Variants in ACVR1C observed in about 807,000 individuals in gnomAD.
ACVR1C encodes the protein activin A receptor type 1C, also known as activin receptor type-1C.
A neutral mutation model predicts 57.9 loss-of-function variants in ACVR1C; 23 were observed. The observed-to-expected ratio is 0.40, with a 90% confidence interval of 0.29 to 0.56. The LOEUF is 0.56. ACVR1C is among the 20% of genes least tolerant of loss of function. The pLI, the probability that ACVR1C is intolerant of heterozygous loss-of-function variation, is 0.50. For synonymous variants in ACVR1C, 214 were observed against 215.3 expected, an observed-to-expected ratio of 0.99 and a Z score of 0.05; for missense variants, 480 against 607.9, an observed-to-expected ratio of 0.79 and a Z score of 2.21.
chr2:157,576,835 C>CTTTTTTTTTTT (rs1166673398), intron 2 of ACVR1C, among the ~76,000 whole-genome samples: 5 of 41,716 alleles, frequency 1.2e-4, no homozygotes, highest in African/African-American at 4.1e-4. Flanking sequence ...TTGAAATTTT[C>CTTTTTTTTTTT]TTTTTTTTTT....
At chr2:157,613,155 C>T (rs1306234636) in intron 1 of ACVR1C, among the ~76,000 whole-genome samples, 1 of 152,220 alleles carries the variant, frequency 6.6e-6, no homozygotes, top group Non-Finnish European at 1.5e-5. Context: ...ATCTCAGCCA[C>T]TGGCTGCTCA....
At chr2:157,550,481 A>T (rs1416972755) in intron 3 of ACVR1C, 89 bp from the exon 4 acceptor site, 32 of 1,197,548 alleles carry the variant, frequency 2.7e-5, no homozygotes, top group Non-Finnish European at 3.5e-5. Flanking sequence ...TTAAAAAAGC[A>T]AACATTTAAA....
chr2:157,628,841 G>A lies in ACVR1C; in HGVS notation c.-197C>T, dbSNP rs1229662179. On this transcript the variant is annotated 5_prime_UTR_variant, in exon 1 of 9. Coordinates refer to ENST00000243349, the MANE Select transcript of ACVR1C (RefSeq NM_145259.3). ...CCCCATCCCACGCCCCCTGCGGCTG[G>A]CGGTGCGCGGCGCTCCTGCCACTGG... 1.1e-5 allele frequency: 4 copies of A among 360,722 alleles called. No homozygotes were observed. The highest frequency in any genetic ancestry group is 2.0e-5 in the Non-Finnish European group (4 of 204,910). 22.3% of individuals were successfully genotyped at this position (360,722 alleles called of 1,614,324 possible).
chr2:157,542,557 T>A, intron 6 of ACVR1C, 149 bp downstream of exon 6: 3 of 928,832 alleles, frequency 3.2e-6, no homozygotes, highest in Non-Finnish European at 4.8e-6. Flanking sequence ...TTGCACCCAC[T>A]AACTTCTCAG....
At chr2:157,546,671 T>C (rs1008493929) in intron 4 of ACVR1C, among the ~76,000 whole-genome samples, 7 of 152,058 alleles carry the variant, frequency 4.6e-5, no homozygotes, top group Admixed American at 1.3e-4. Flanking sequence ...TTGTTACCTA[T>C]TAGGGGCACT....
rs1166673398 is a variant in ACVR1C at position 157,576,835 on chromosome 2, C to CTTT, written c.304+10349_304+10351dup. Among the ~76,000 whole-genome samples the CTTT allele has an allele frequency of 3.8e-3, 157 of 41,722 alleles. 41 individuals are homozygous for CTTT. The highest frequency in any genetic ancestry group is 0.013 in the African/African-American group (93 of 7,346). 27.4% of individuals were successfully genotyped at this position (41,722 alleles called of 152,430 possible). A position where few individuals can be genotyped will look rare whatever the true frequency, so the allele number is the denominator to read the frequency against. On this transcript the variant is annotated intron_variant, in intron 2 of 8. Transcript: ENST00000243349. ...AGAGCCTTTTGGGCTTTGAAATTTT[C>CTTT]TTTTTTTTTTTTTTTTTTTTTTTTT... is the stretch of plus-strand genomic sequence containing the variant.
rs142906176 is a variant in ACVR1C at position 157,527,342 on chromosome 2, G to A, written c.*6576C>T. 1 of 151,986 alleles carries A rather than the reference G, an allele frequency of 6.6e-6. No homozygotes were observed. 9.4% of individuals were successfully genotyped at this position (151,986 alleles called of 1,614,324 possible). A position where few individuals can be genotyped will look rare whatever the true frequency, so the allele number is the denominator to read the frequency against. On this transcript the variant is annotated 3_prime_UTR_variant, in exon 9 of 9. Coordinates refer to ENST00000243349, the MANE Select transcript of ACVR1C (RefSeq NM_145259.3). ...AGACAATCTTTTTACATACTTAAGA[G>A]TATCAGCTAGCTTACAAAAAGTCTT...
At chr2:157,612,318 C>T (rs955165482) in intron 1 of ACVR1C, among the ~76,000 whole-genome samples, 2 of 152,162 alleles carry the variant, frequency 1.3e-5, no homozygotes, top group Non-Finnish European at 2.9e-5. Flanking sequence ...CCACTCACAG[C>T]CCCAGACAGC....
At chr2:157,589,126 C>T (rs1689002289) in intron 1 of ACVR1C, among the ~76,000 whole-genome samples, 1 of 151,712 alleles carries the variant, frequency 6.6e-6, no homozygotes, top group Middle Eastern at 3.4e-3. Context: ...TCCATAGACA[C>T]TGTAATAATT....
intron 2 of ACVR1C, among the ~76,000 whole-genome samples, chr2:157,558,784 T>C (rs1037384445): frequency 1.3e-5 from 2 of 152,174 alleles, no homozygotes; most frequent in African/African-American, 4.8e-5. Flanking sequence ...CCATGGTACT[T>C]CCAACTTCTG....
At chr2:157,550,104 CAG>C (rs1687879763) in intron 4 of ACVR1C, 56 bp downstream of exon 4, 8 of 1,421,438 alleles carry the variant, frequency 5.6e-6, no homozygotes, top group African/African-American at 2.9e-5. Context: ...TTTTTTGAGA[CAG>C]AGTCTCGCTC....
intron 1 of ACVR1C, among the ~76,000 whole-genome samples, chr2:157,616,181 T>C (rs1401524676): frequency 1.3e-5 from 2 of 152,194 alleles, no homozygotes; most frequent in African/African-American, 4.8e-5. Flanking sequence ...CCCATACCTC[T>C]TGGATGCTCT....
intron 1 of ACVR1C, among the ~76,000 whole-genome samples, chr2:157,606,988 A>G (rs187653076): frequency 6.6e-6 from 1 of 151,806 alleles, no homozygotes; most frequent in Admixed American, 6.6e-5. Flanking sequence ...TGATTTTTGT[A>G]TACAGTGAGG....
Position 157,615,318 on chromosome 2 carries a change from C to CAA in ACVR1C, c.73+13252_73+13253dup, listed in dbSNP as rs1245866633. Among the ~76,000 whole-genome samples, 486 of 99,572 alleles carry CAA rather than the reference C, an allele frequency of 4.9e-3. 10 individuals carry two copies. The East Asian group carries it at 0.062, about 13-fold the overall frequency. The allele number at this position is 99,572 out of a possible 152,430, so 65.3% of individuals were successfully genotyped here. A position where few individuals can be genotyped will look rare whatever the true frequency, so the allele number is the denominator to read the frequency against. ...CCTGTCTCTACAAGTAACAATAATA[C>CAA]AAAAAAAAAAAAAAACACAAAAAGT... On this transcript the variant is annotated intron_variant, in intron 1 of 8. Coordinates refer to ENST00000243349, the MANE Select transcript of ACVR1C (RefSeq NM_145259.3).
intron 8 of ACVR1C, among the ~76,000 whole-genome samples, chr2:157,535,761 C>T (rs1003503719): frequency 6.6e-6 from 1 of 152,052 alleles, no homozygotes; most frequent in African/African-American, 2.4e-5. Context: ...CCAGCCTGGG[C>T]AACAAAGCAA....
At chr2:157,625,024 C>T (rs927612376) in intron 1 of ACVR1C, among the ~76,000 whole-genome samples, 21 of 152,140 alleles carry the variant, frequency 1.4e-4, no homozygotes, top group Non-Finnish European at 1.0e-4. Flanking sequence ...CTATTTAATG[C>T]GTCTTTGAAA....
chr2:157,597,555 C>T, intron 1 of ACVR1C: 2 of 985,460 alleles, frequency 2.0e-6, no homozygotes, highest in Middle Eastern at 1.0e-3. Flanking sequence ...CCGACGGCAG[C>T]GCAACCCCCA....
chr2:157,556,844 A>G (rs1688113962), intron 2 of ACVR1C, among the ~76,000 whole-genome samples: 1 of 151,492 alleles, frequency 6.6e-6, no homozygotes, highest in Non-Finnish European at 1.5e-5. Flanking sequence ...TTCTATTTTT[A>G]TAGAGACAGG....
At chr2:157,592,625 C>G (rs1401151644) in intron 1 of ACVR1C, among the ~76,000 whole-genome samples, 2 of 152,068 alleles carry the variant, frequency 1.3e-5, no homozygotes, top group African/African-American at 2.4e-5. Flanking sequence ...ACGACATACT[C>G]AGCCTCTCAT....
Sources: allele counts gnomAD v4.1 joint callset (sites outside exome capture counted in the v4.1 genomes callset), GRCh38; gene constraint gnomAD v4.1.1; transcripts MANE v1.5; gene names NCBI Gene and HGNC (gene_info 2026-07-23, HGNC 2026-07-21).